The following SCFD2 variants were observed in gnomAD, a reference collection of about 807,000 sequenced individuals.
SCFD2 encodes sec1 family domain-containing protein 2.
In SCFD2, 54 loss-of-function variants were observed where a neutral mutation model predicts 58.9. The ratio of observed to expected loss-of-function variants is 0.92; its 90% confidence interval spans 0.74 to 1.15. The LOEUF (loss-of-function observed/expected upper bound fraction) is 1.15. Ranked by LOEUF, SCFD2 falls within the 50% of genes most tolerant of loss-of-function variation. SCFD2 has a pLI of 0.00. For synonymous variants in SCFD2, 321 were observed against 335.9 expected (o/e 0.96, Z 0.49); for missense variants, 805 against 836.6 (o/e 0.96, Z 0.47).
At chr4:53,124,976 G>C (rs1347182460) in intron 5 of SCFD2, among the ~76,000 whole-genome samples, 1 of 152,150 alleles carries the variant, frequency 6.6e-6, no homozygotes, top group African/African-American at 2.4e-5. Context: ...GAGTAACGGA[G>C]GTAAAGAGAG....
chr4:52,937,185 T>C (rs1720160038), intron 5 of SCFD2, among the ~76,000 whole-genome samples: 1 of 152,180 alleles, frequency 6.6e-6, no homozygotes, highest in Non-Finnish European at 1.5e-5. Flanking sequence ...GGGAAAAACT[T>C]TCTGGACAGA....
chr4:53,329,119 T>C (rs927464945), intron 2 of SCFD2, among the ~76,000 whole-genome samples: 4 of 152,260 alleles, frequency 2.6e-5, no homozygotes, highest in African/African-American at 9.6e-5. Flanking sequence ...CACTGATTGC[T>C]AGCACAGCAG....
chr4:52,926,402 G>A (rs773850798), intron 5 of SCFD2, among the ~76,000 whole-genome samples: 8 of 150,848 alleles, frequency 5.3e-5, no homozygotes, highest in African/African-American at 2.0e-4. Flanking sequence ...ACACACACAC[G>A]CACGCGTGCG....
intron 4 of SCFD2, among the ~76,000 whole-genome samples, chr4:53,214,816 A>C (rs1728757440): frequency 6.6e-6 from 1 of 152,088 alleles, no homozygotes; most frequent in African/African-American, 2.4e-5. Flanking sequence ...ATCCACCTTG[A>C]ATTAATTTTT....
At chr4:53,007,334 G>GAGAGAGAGAGA (rs10670717) in intron 5 of SCFD2, among the ~76,000 whole-genome samples, 3 of 123,028 alleles carry the variant, frequency 2.4e-5, no homozygotes, top group Non-Finnish European at 5.1e-5. Context: ...GAGAGAGAGA[G>GAGAGAGAGAGA]GGAGAGAGAG....
At chr4:53,233,908 T>C (rs540487164) in intron 4 of SCFD2, among the ~76,000 whole-genome samples, 102 of 152,200 alleles carry the variant, frequency 6.7e-4, no homozygotes, top group South Asian at 1.5e-3. Flanking sequence ...AAATTTAACG[T>C]GAATGCCAAA....
In SCFD2 at chr4:53,352,512, C is replaced by CT. The variant is rs1734252046; in HGVS notation, c.1007+85dup. ...TTTCAACCAGACCAATTCTTCATTG[C>CT]TTTTTTCCTATGGGAATACTCAGTC... On this transcript the variant is annotated intron_variant, in intron 2 of 8. Transcript: ENST00000401642. 3 of 1,127,312 alleles carry CT rather than the reference C, an allele frequency of 2.7e-6. No homozygotes were observed. In the East Asian group the frequency reaches 7.4e-5, roughly 28 times the overall value. The allele number at this position is 1,127,312 out of a possible 1,614,324, so 69.8% of individuals were successfully genotyped here. A position where few individuals can be genotyped will look rare whatever the true frequency, so the allele number is the denominator to read the frequency against.
At chr4:53,066,368 G>C (rs1241312018) in intron 5 of SCFD2, among the ~76,000 whole-genome samples, 2 of 152,062 alleles carry the variant, frequency 1.3e-5, no homozygotes, top group Admixed American at 6.6e-5. Context: ...AGTTACCAAG[G>C]TGACAAAATA....
chr4:52,910,847 C>T (rs1577820283), intron 6 of SCFD2, among the ~76,000 whole-genome samples: 1 of 152,094 alleles, frequency 6.6e-6, no homozygotes, highest in South Asian at 2.1e-4. Flanking sequence ...AGCTTTTCCC[C>T]CTTTTGCTCA....
At chr4:53,248,988 C>T (rs1390662976) in intron 4 of SCFD2, among the ~76,000 whole-genome samples, 1 of 152,194 alleles carries the variant, frequency 6.6e-6, no homozygotes, top group South Asian at 2.1e-4. Context: ...AAGAAAGCTT[C>T]AGACGATCAA....
intron 4 of SCFD2, among the ~76,000 whole-genome samples, chr4:53,266,247 G>A (rs944212478): frequency 1.3e-5 from 2 of 152,020 alleles, no homozygotes; most frequent in African/African-American, 2.4e-5. Context: ...AAATCCAGGT[G>A]AGAATATATT....
At chr4:53,114,726 A>G (rs922078062) in intron 5 of SCFD2, among the ~76,000 whole-genome samples, 1 of 152,200 alleles carries the variant, frequency 6.6e-6, no homozygotes, top group African/African-American at 2.4e-5. Context: ...TATCAGAAGG[A>G]AAAGTGGAAC....
chr4:53,016,459 T>G (rs1266942553), intron 5 of SCFD2, among the ~76,000 whole-genome samples: 1 of 152,204 alleles, frequency 6.6e-6, no homozygotes, highest in African/African-American at 2.4e-5. Context: ...TTTAGTAGAT[T>G]AAGAAAAATT....
intron 5 of SCFD2, among the ~76,000 whole-genome samples, chr4:53,009,252 T>TTAA: frequency 6.6e-6 from 1 of 152,216 alleles, no homozygotes; most frequent in Admixed American, 6.5e-5. Flanking sequence ...TCCAGGGACC[T>TTAA]TAATAATCTT....
intron 4 of SCFD2, among the ~76,000 whole-genome samples, chr4:53,178,373 A>G (rs1727417547): frequency 6.6e-6 from 1 of 152,190 alleles, no homozygotes; most frequent in African/African-American, 2.4e-5. Context: ...ACCACTGATG[A>G]TACCCAGGCA....
intron 5 of SCFD2, among the ~76,000 whole-genome samples, chr4:53,117,977 T>G: frequency 6.6e-6 from 1 of 152,132 alleles, no homozygotes. Context: ...TTTCCAGAAA[T>G]AGCACTGGAC....
chr4:53,213,293 T>C (rs1457424271), intron 4 of SCFD2, among the ~76,000 whole-genome samples: 1 of 152,078 alleles, frequency 6.6e-6, no homozygotes, highest in African/African-American at 2.4e-5. Flanking sequence ...GCTGCAGGTG[T>C]ATAGAAAAAA....
intron 3 of SCFD2, among the ~76,000 whole-genome samples, chr4:53,281,359 T>G (rs1731503962): frequency 6.6e-6 from 1 of 152,206 alleles, no homozygotes; most frequent in African/African-American, 2.4e-5. Context: ...TAGTATGTGA[T>G]GCAAAACCCA....
rs1732757515 is a variant in SCFD2, at chr4:53,313,618, T to A, written c.1135+18A>T. On this transcript the variant is annotated intron_variant, in intron 3 of 8. Coordinates refer to ENST00000401642, the MANE Select transcript of SCFD2 (RefSeq NM_152540.4). ...TAAGCTTCCTCAGAGGCTGCCTGTGTCCTAGGTTTAGGCTTACCCATACTC... is the reference window on the plus strand; with the variant it reads ...TAAGCTTCCTCAGAGGCTGCCTGTGACCTAGGTTTAGGCTTACCCATACTC... The A allele has an allele frequency of 6.2e-7, 1 of 1,613,722 alleles. No homozygotes were observed. Among genetic ancestry groups the A allele is most frequent in the East Asian group, 2.2e-5 (1 of 44,866 alleles).
Sources: allele counts gnomAD v4.1 joint callset (sites outside exome capture counted in the v4.1 genomes callset), GRCh38; gene constraint gnomAD v4.1.1; transcripts MANE v1.5; gene names NCBI Gene and HGNC (gene_info 2026-07-23, HGNC 2026-07-21).